Variants in TLE4 observed in about 807,000 individuals in gnomAD.
TLE4 encodes TLE family member 4, transcriptional corepressor, also known as transducin-like enhancer protein 4.
A neutral mutation model predicts 92.8 loss-of-function variants in TLE4; 8 were observed. The ratio of observed to expected loss-of-function variants is 0.09; its 90% confidence interval spans 0.05 to 0.16. The LOEUF is 0.16. Among genes scored for constraint, TLE4 ranks in the 10% least tolerant of loss-of-function variants. The probability of loss-of-function intolerance (pLI) is 1.00; values close to 1 mark genes in which losing one functional copy is unlikely to be tolerated. For synonymous variants in TLE4, 371 were observed against 374.1 expected (o/e 0.99, Z 0.10); for missense variants, 675 against 997.6 (o/e 0.68, Z 4.36).
chr9:79,626,573 C>A (rs1200833977), intron 5 of TLE4, among the ~76,000 whole-genome samples: 7 of 152,164 alleles, frequency 4.6e-5, no homozygotes, highest in African/African-American at 7.2e-5. Context: ...GTAAGCACTT[C>A]TGTGTCTAGA....
intron 8 of TLE4, among the ~76,000 whole-genome samples, chr9:79,664,823 GT>G (rs2061128280): frequency 1.3e-5 from 2 of 152,042 alleles, no homozygotes; most frequent in African/African-American, 4.8e-5. Context: ...CTTGTAAACT[GT>G]TTTGCTCACC....
rs145886856 is a variant in TLE4 at position 79,635,614 on chromosome 9, T to C, written c.390+8166T>C. On this transcript the variant is annotated intron_variant, in intron 6 of 19. Transcript: ENST00000376552. Reference sequence around the variant, plus strand: ...CCCACAAGGACATGGATTCAGTTTTTCTAGCACTATTTGTTGAAAAGGCTA... The same window carrying C: ...CCCACAAGGACATGGATTCAGTTTTCCTAGCACTATTTGTTGAAAAGGCTA... Among the ~76,000 whole-genome samples, 369 of 152,174 alleles carry C rather than the reference T, an allele frequency of 2.4e-3. 4 individuals are homozygous for C. The highest frequency in any genetic ancestry group is 8.2e-3 in the African/African-American group (339 of 41,526).
intron 4 of TLE4, among the ~76,000 whole-genome samples, chr9:79,586,988 A>G (rs940182222): frequency 6.6e-6 from 1 of 152,126 alleles, no homozygotes; most frequent in Admixed American, 6.5e-5. Flanking sequence ...TCTTTTAGTT[A>G]CTTTTAAATG....
At chr9:79,592,152 C>CTT (rs779442720) in intron 4 of TLE4, among the ~76,000 whole-genome samples, 41 of 144,590 alleles carry the variant, frequency 2.8e-4, no homozygotes, top group African/African-American at 1.0e-3. Flanking sequence ...TTTCTTCTTT[C>CTT]TTCTTCTTCT....
At chr9:79,692,232 T>C (rs573518132) in intron 8 of TLE4, among the ~76,000 whole-genome samples, 3 of 152,178 alleles carry the variant, frequency 2.0e-5, no homozygotes, top group Non-Finnish European at 4.4e-5. Flanking sequence ...TTCTGCAAGT[T>C]GGAGGAAGAG....
intron 4 of TLE4, among the ~76,000 whole-genome samples, chr9:79,607,215 GGTT>G (rs1347571854): frequency 6.6e-6 from 1 of 151,988 alleles, no homozygotes; most frequent in Non-Finnish European, 1.5e-5. Context: ...TTTTTGATGG[GGTT>G]GTTTGTTTTT....
chr9:79,671,472 A>T (rs2062341638), intron 8 of TLE4: 1 of 326,986 alleles, frequency 3.1e-6, no homozygotes, highest in African/African-American at 2.1e-5. Flanking sequence ...TTCTCCCTCC[A>T]GTGTTGTAAA....
intron 6 of TLE4, among the ~76,000 whole-genome samples, chr9:79,630,908 G>A (rs1245428948): frequency 6.6e-6 from 1 of 152,024 alleles, no homozygotes; most frequent in Non-Finnish European, 1.5e-5. Context: ...GAAAATGTTT[G>A]GCTTATAAAA....
At chr9:79,635,205 A>G (rs919684821) in intron 6 of TLE4, among the ~76,000 whole-genome samples, 2 of 152,076 alleles carry the variant, frequency 1.3e-5, no homozygotes, top group African/African-American at 4.8e-5. Flanking sequence ...TGTGTTTTTT[A>G]TGCATTTTCA....
intron 6 of TLE4, among the ~76,000 whole-genome samples, chr9:79,642,215 A>C (rs1019053602): frequency 6.6e-6 from 1 of 152,016 alleles, no homozygotes; most frequent in African/African-American, 2.4e-5. Context: ...TAGGCTTTTT[A>C]AATGCTGCTT....
intron 6 of TLE4, among the ~76,000 whole-genome samples, chr9:79,628,004 T>C (rs1421127409): frequency 6.6e-6 from 1 of 152,112 alleles, no homozygotes; most frequent in Non-Finnish European, 1.5e-5. Context: ...CTGGCAATAG[T>C]GGCATTAATG....
chr9:79,709,784 G>A, intron 14 of TLE4, 85 bp downstream of exon 14: 1 of 1,084,226 alleles, frequency 9.2e-7, no homozygotes, highest in African/African-American at 1.6e-5. Flanking sequence ...CCACTAGACA[G>A]TGTTGGGGGA....
At chr9:79,671,408 C>T (rs1474634616) in intron 8 of TLE4, 5 of 355,714 alleles carry the variant, frequency 1.4e-5, no homozygotes, top group African/African-American at 1.1e-4. Flanking sequence ...CACAGTTTAC[C>T]GTTTTTGCAG....
intron 4 of TLE4, among the ~76,000 whole-genome samples, chr9:79,600,611 G>A (rs1314874775): frequency 6.6e-6 from 1 of 152,170 alleles, no homozygotes; most frequent in Non-Finnish European, 1.5e-5. Context: ...ATCAGAATCC[G>A]TATGTGGAAT....
intron 8 of TLE4, among the ~76,000 whole-genome samples, chr9:79,667,098 A>C (rs190578651): frequency 6.6e-6 from 1 of 152,348 alleles, no homozygotes; most frequent in East Asian, 1.9e-4. Context: ...AGCTGCGCCC[A>C]GATCTAGACA....
In TLE4 at chr9:79,708,767, C is replaced by T. The variant is rs1279499547; in HGVS notation, c.1244C>T (p.Ala415Val). 29 of 1,606,392 alleles carry T rather than the reference C, an allele frequency of 1.8e-5. No individual in the cohort carries two copies. Among genetic ancestry groups the T allele is most frequent in the Non-Finnish European group, 2.5e-5 (29 of 1,179,852 alleles). Residue 415 changes from alanine to valine, a missense_variant, in exon 13 of 20, where the codon GCC becomes GTC. Coordinates refer to ENST00000376552, the MANE Select transcript of TLE4 (RefSeq NM_007005.6). The part of the protein sequence containing the change: ...AAAAAAAAAA[A>V]YGRSPVVGFD... Reference sequence around the variant, plus strand: ...GCTGCCGCCGCCGCTGCTGCTGCTGCCTATGGGAGATCACCAGTGGTGCGT... The same window carrying T: ...GCTGCCGCCGCCGCTGCTGCTGCTGTCTATGGGAGATCACCAGTGGTGCGT...
In TLE4 at chr9:79,720,264, G is replaced by A. The variant is rs764695283; in HGVS notation, c.1809G>A (p.Val603=). ...GCTGCAGCGACGGCAACATCGCTGT[G>A]TGGGATCTGCACAACCAGACCTTGG... ...FSCCSDGNIA[V]WDLHNQTLVR... is the part of the protein sequence containing the mutation. Residue 603 remains valine, a synonymous_variant, in exon 16 of 20, where the codon GTG becomes GTA. Transcript: ENST00000376552. 1.4e-5 allele frequency: 22 copies of A among 1,613,880 alleles called. No individual in the cohort carries two copies. The highest frequency in any genetic ancestry group is 1.9e-5 in the Non-Finnish European group (22 of 1,179,880).
chr9:79,682,338 T>C (rs1261490176), intron 8 of TLE4, among the ~76,000 whole-genome samples: 7 of 152,186 alleles, frequency 4.6e-5, no homozygotes, highest in African/African-American at 1.4e-4. Flanking sequence ...TTAGAGTATA[T>C]GCATCATATT....
chr9:79,712,192 ATAT>A (rs2073471931), intron 14 of TLE4, among the ~76,000 whole-genome samples: 1 of 152,190 alleles, frequency 6.6e-6, no homozygotes, highest in African/African-American at 2.4e-5. Flanking sequence ...TTGTCCCAGC[ATAT>A]TATTCATTTT....
Sources: gnomAD v4.1 joint callset for allele counts (sites outside exome capture counted in the v4.1 genomes callset) on GRCh38, gnomAD v4.1.1 for gene constraint, MANE v1.5 for transcripts, NCBI Gene and HGNC (gene_info 2026-07-23, HGNC 2026-07-21) for gene names.